Variants in C4orf36 observed in about 807,000 individuals in gnomAD.
C4orf36 encodes uncharacterized protein C4orf36.
In C4orf36, 11 loss-of-function variants were observed where a neutral mutation model predicts 12.2. That is an observed-to-expected ratio of 0.90 (90% CI 0.57 to 1.49). C4orf36 has a LOEUF of 1.49. Ranked by LOEUF, C4orf36 falls within the 40% of genes most tolerant of loss-of-function variation. C4orf36 has a pLI of 0.00. For missense variants in C4orf36, 137 were observed against 133.9 expected, an observed-to-expected ratio of 1.02 and a Z score of -0.11; for synonymous variants, 54 against 51.3, an observed-to-expected ratio of 1.05 and a Z score of -0.22.
At chr4:86,913,963 C>T in the C4orf36 span, 3 of 1,537,450 alleles carry the variant, frequency 2.0e-6, no homozygotes, top group Non-Finnish European at 2.7e-6. Flanking sequence ...TAGCTGTCAT[C>T]CACTTCTTTA....
chr4:86,927,761 T>A, the C4orf36 span, among the ~76,000 whole-genome samples: 1 of 150,726 alleles, frequency 6.6e-6, no homozygotes, highest in Non-Finnish European at 1.5e-5. Flanking sequence ...ATCACGCCAC[T>A]GCACTCCAGC....
chr4:86,901,831 A>T, the C4orf36 span, among the ~76,000 whole-genome samples: 1 of 152,100 alleles, frequency 6.6e-6, no homozygotes, highest in African/African-American at 2.4e-5. Context: ...CTATGGGTTG[A>T]ATTGTGTCCC....
chr4:86,930,966 T>C, the C4orf36 span, among the ~76,000 whole-genome samples: 1 of 152,216 alleles, frequency 6.6e-6, no homozygotes, highest in Non-Finnish European at 1.5e-5. Context: ...GCCCACAATC[T>C]ATACCTGGCT....
chr4:86,914,396 T>A, the C4orf36 span: 2 of 606,130 alleles, frequency 3.3e-6, no homozygotes, highest in Non-Finnish European at 5.0e-6. Context: ...TCTTCCTTTT[T>A]TTTTTTTTTT....
upstream of C4orf36, among the ~76,000 whole-genome samples, chr4:86,896,913 A>T (rs1450759937): frequency 6.6e-6 from 1 of 152,230 alleles, no homozygotes; most frequent in Non-Finnish European, 1.5e-5. Context: ...AGCCAGGCTT[A>T]GAGGACTGGA....
chr4:86,883,745 C>T (rs572791974), intron 4 of C4orf36, among the ~76,000 whole-genome samples: 1 of 152,142 alleles, frequency 6.6e-6, no homozygotes, highest in Non-Finnish European at 1.5e-5. Context: ...ACTAGAAGAT[C>T]AGCCAGGCGC....
At chr4:86,906,728 C>CAAAAAAAAAAAAAAAAAA in the C4orf36 span, among the ~76,000 whole-genome samples, 1 of 78,830 alleles carries the variant, frequency 1.3e-5, no homozygotes, top group Non-Finnish European at 2.2e-5. Context: ...AAGACGGTCT[C>CAAAAAAAAAAAAAAAAAA]AAAAAAAAAA....
At chr4:86,887,985 G>T in intron 3 of C4orf36, 92 bp from the exon 4 acceptor site, 1 of 1,553,462 alleles carries the variant, frequency 6.4e-7, no homozygotes, top group Non-Finnish European at 8.8e-7. Flanking sequence ...AAATCCATAT[G>T]CCTGAATAAT....
chr4:86,901,944 A>C, the C4orf36 span, among the ~76,000 whole-genome samples: 14 of 152,198 alleles, frequency 9.2e-5, no homozygotes, highest in Non-Finnish European at 1.6e-4. Context: ...TAATCAGGCC[A>C]ACTTTGCAGG....
At chr4:86,880,858 A>G (rs1747036602) in intron 4 of C4orf36, among the ~76,000 whole-genome samples, 1 of 152,148 alleles carries the variant, frequency 6.6e-6, no homozygotes, top group African/African-American at 2.4e-5. Flanking sequence ...GCTGGTCAAC[A>G]TGGCAAAATC....
the C4orf36 span, chr4:86,932,442 TA>T: frequency 6.6e-6 from 1 of 152,126 alleles, no homozygotes; most frequent in Admixed American, 6.6e-5. Context: ...GAACATAATT[TA>T]AACTGCTGGC....
the C4orf36 span, among the ~76,000 whole-genome samples, chr4:86,916,847 G>A: frequency 1.3e-5 from 2 of 152,242 alleles, no homozygotes; most frequent in African/African-American, 2.4e-5. Context: ...TATAGAATGC[G>A]GATACTGCAT....
At chr4:86,917,364 G>A in the C4orf36 span, among the ~76,000 whole-genome samples, 2 of 145,566 alleles carry the variant, frequency 1.4e-5, no homozygotes, top group Admixed American at 7.0e-5. Flanking sequence ...GGAAGGAAAG[G>A]ATGGAAGGAA....
At chr4:86,923,116 C>T in the C4orf36 span, among the ~76,000 whole-genome samples, 154 of 144,892 alleles carry the variant, frequency 1.1e-3, no homozygotes, top group African/African-American at 3.6e-3. Flanking sequence ...TTTTTAGAAA[C>T]GGTCTCACTC....
rs908052987 is a variant in C4orf36, at chr4:86,887,857, A to G, written c.257T>C (p.Leu86Pro). The change falls in exon 4 of 5, where the codon CTT becomes CCT. Residue 86 changes from leucine (L) to proline (P), a missense_variant. Transcript: ENST00000295898. ...KLEREYEVKR[L>P]CKLKCQENTS... Reference sequence around the variant, plus strand: ...ATTTTCTTGACACTTCAGTTTACAAAGACGCTTCACTTCATACTCCCTTTC... The same window carrying G: ...ATTTTCTTGACACTTCAGTTTACAAGGACGCTTCACTTCATACTCCCTTTC... 6.2e-7 allele frequency: 1 copy of G among 1,614,206 alleles called. No homozygotes were observed. The highest frequency in any genetic ancestry group is 8.5e-7 in the Non-Finnish European group (1 of 1,180,026).
At chr4:86,917,128 A>C in the C4orf36 span, among the ~76,000 whole-genome samples, 5 of 152,102 alleles carry the variant, frequency 3.3e-5, no homozygotes, top group Non-Finnish European at 7.4e-5. Context: ...AAAAATAACA[A>C]AATTAGCTGG....
the C4orf36 span, chr4:86,914,556 C>G: frequency 2.4e-6 from 1 of 412,344 alleles, no homozygotes; most frequent in South Asian, 2.4e-5. Flanking sequence ...GCCCGCCACA[C>G]CATGCCTGGC....
chr4:86,894,022 G>A (rs1186108967), upstream of C4orf36, among the ~76,000 whole-genome samples: 2 of 129,224 alleles, frequency 1.5e-5, no homozygotes, highest in African/African-American at 5.3e-5. Flanking sequence ...TCAGCCTCTC[G>A]AGTAGCTGGG....
At chr4:86,931,443 G>C in the C4orf36 span, among the ~76,000 whole-genome samples, 2 of 152,158 alleles carry the variant, frequency 1.3e-5, no homozygotes, top group Admixed American at 1.3e-4. Context: ...CTGTCACCCA[G>C]GCTGGAGTGC....
Sources: allele counts gnomAD v4.1 joint callset (sites outside exome capture counted in the v4.1 genomes callset), GRCh38; gene constraint gnomAD v4.1.1; transcripts MANE v1.5; gene names NCBI Gene and HGNC (gene_info 2026-07-23, HGNC 2026-07-21).